The following SORBS2 variants were observed in gnomAD, a reference collection of about 807,000 sequenced individuals.
SORBS2 encodes sorbin and SH3 domain-containing protein 2.
SORBS2 carries 46 observed loss-of-function variants against 97.7 expected under a neutral mutation model. The ratio of observed to expected loss-of-function variants is 0.47; its 90% CI spans 0.37 to 0.60. SORBS2 has a LOEUF of 0.60. Ranked by LOEUF, SORBS2 falls within the 20% of genes least tolerant of loss-of-function variation. The pLI is 0.00. For synonymous variants in SORBS2, 476 were observed against 473.4 expected, an observed-to-expected ratio of 1.01 and a Z score of -0.07; for missense variants, 1,316 against 1,282.3, an observed-to-expected ratio of 1.03 and a Z score of -0.40.
intron 2 of SORBS2, among the ~76,000 whole-genome samples, chr4:185,762,940 G>C (rs2098909217): frequency 6.6e-6 from 1 of 152,166 alleles, no homozygotes; most frequent in Non-Finnish European, 1.5e-5. Flanking sequence ...TGTAATCCCA[G>C]CACTTTGGGA....
intron 4 of SORBS2, among the ~76,000 whole-genome samples, chr4:185,643,142 C>T (rs995095721): frequency 1.3e-5 from 2 of 152,240 alleles, no homozygotes; most frequent in African/African-American, 4.8e-5. Flanking sequence ...GCCATGGGCA[C>T]ACAGCAGGGA....
At chr4:185,745,728 C>T (rs1227573976) in intron 2 of SORBS2, among the ~76,000 whole-genome samples, 1 of 152,152 alleles carries the variant, frequency 6.6e-6, no homozygotes, top group Non-Finnish European at 1.5e-5. Flanking sequence ...TTTTAGTTTT[C>T]TTCAACGGAT....
intron 4 of SORBS2, among the ~76,000 whole-genome samples, chr4:185,668,427 G>A (rs940934688): frequency 4.6e-5 from 7 of 152,224 alleles, no homozygotes; most frequent in African/African-American, 1.2e-4. Flanking sequence ...GCGTGTGTGT[G>A]TTTGTGAGTG....
chr4:185,642,874 C>A (rs1007619518), intron 4 of SORBS2, among the ~76,000 whole-genome samples: 5 of 152,192 alleles, frequency 3.3e-5, no homozygotes, highest in African/African-American at 1.2e-4. Context: ...TGTTTTGAGA[C>A]CCACTGGGCC....
exon 6 of SORBS2, chr4:185,626,868 T>G: frequency 1.2e-6 from 2 of 1,614,240 alleles, no homozygotes; most frequent in Non-Finnish European, 1.7e-6. Context: ...GAAGAGCTAG[T>G]GAAAGACTTT....
intron 2 of SORBS2, among the ~76,000 whole-genome samples, chr4:185,745,468 AAGG>A (rs2098754285): frequency 6.6e-6 from 1 of 152,182 alleles, no homozygotes; most frequent in African/African-American, 2.4e-5. Flanking sequence ...TCAGGTAGAC[AAGG>A]AGGACTGAAG....
At chr4:185,853,082 T>C (rs1054643357) in intron 1 of SORBS2, among the ~76,000 whole-genome samples, 5 of 152,124 alleles carry the variant, frequency 3.3e-5, no homozygotes, top group African/African-American at 1.2e-4. Context: ...GCATGTAAAA[T>C]ACCTTCTCCC....
chr4:185,889,107 A>G (rs547307205), intron 1 of SORBS2, among the ~76,000 whole-genome samples: 3 of 152,084 alleles, frequency 2.0e-5, no homozygotes, highest in South Asian at 4.2e-4. Flanking sequence ...TTTTACTTTT[A>G]TCTTAGAGGA....
chr4:185,638,826 C>G, intron 4 of SORBS2, 51 bp downstream of exon 14: 2 of 1,407,956 alleles, frequency 1.4e-6, no homozygotes, highest in Non-Finnish European at 1.8e-6. Context: ...GCAAGGGCTG[C>G]ACCTGCACCT....
At chr4:185,917,027 G>C (rs1328095467) in intron 1 of SORBS2, among the ~76,000 whole-genome samples, 1 of 152,148 alleles carries the variant, frequency 6.6e-6, no homozygotes, top group Non-Finnish European at 1.5e-5. Flanking sequence ...AGGTTAAGTG[G>C]ATCACCAATG....
chr4:185,763,934 T>G (rs1021493626), intron 2 of SORBS2, among the ~76,000 whole-genome samples: 1 of 152,188 alleles, frequency 6.6e-6, no homozygotes, highest in Non-Finnish European at 1.5e-5. Context: ...TCCTCAAAAT[T>G]AAGCACTGGT....
At chr4:185,886,579 G>GAAAAAAAAAAAAAAAGAAAAGA (rs375147493) in intron 1 of SORBS2, among the ~76,000 whole-genome samples, 2 of 127,908 alleles carry the variant, frequency 1.6e-5, no homozygotes, top group Non-Finnish European at 1.7e-5. Context: ...AAAAAGAAAA[G>GAAAAAAAAAAAAAAAGAAAAGA]AAAAAAAAAA....
At chr4:185,648,109 C>T (rs546331262) in intron 3 of SORBS2, among the ~76,000 whole-genome samples, 30 of 151,620 alleles carry the variant, frequency 2.0e-4, no homozygotes, top group Non-Finnish European at 3.7e-4. Flanking sequence ...ATCAATTACT[C>T]TATTATAAAA....
intron 4 of SORBS2, among the ~76,000 whole-genome samples, chr4:185,635,738 C>A (rs1275836658): frequency 2.0e-5 from 3 of 152,180 alleles, no homozygotes. Context: ...ATTAAAGGAG[C>A]AAGTGGATAG....
intron 2 of SORBS2, among the ~76,000 whole-genome samples, chr4:185,748,147 T>C (rs971137214): frequency 2.6e-5 from 4 of 152,188 alleles, no homozygotes; most frequent in African/African-American, 7.2e-5. Flanking sequence ...AGCCCTGCTC[T>C]TGGTGACTTG....
chr4:185,671,268 A>G (rs2097708453), intron 4 of SORBS2, among the ~76,000 whole-genome samples: 1 of 152,180 alleles, frequency 6.6e-6, no homozygotes, highest in Admixed American at 6.5e-5. Flanking sequence ...AGGGGAGTAA[A>G]TATTTCTACT....
chr4:185,690,139 T>C (rs774739334), intron 2 of SORBS2, among the ~76,000 whole-genome samples: 1 of 152,240 alleles, frequency 6.6e-6, no homozygotes, highest in Admixed American at 6.5e-5. Context: ...GCTGATTTTG[T>C]ATAAAACTTT....
rs1008070015 is a variant in SORBS2 at position 185,652,149 on chromosome 4, T to C, written c.91+513A>G. On this transcript the variant is annotated intron_variant, in intron 2 of 14. Transcript: ENST00000418609. ...CACCACAGGCCTCTGCAAACTGCCCTTTTTTATCTGTAACATATTCGTCTT... is the reference window on the plus strand; with the variant it reads ...CACCACAGGCCTCTGCAAACTGCCCCTTTTTATCTGTAACATATTCGTCTT... Among the ~76,000 whole-genome samples the C allele has an allele frequency of 2.4e-4, 37 of 152,192 alleles. No homozygotes were observed. In the Middle Eastern group the frequency reaches 0.01, roughly 42 times the overall value.
At chr4:185,797,930 A>T (rs1416972181) in intron 1 of SORBS2, among the ~76,000 whole-genome samples, 1 of 152,218 alleles carries the variant, frequency 6.6e-6, no homozygotes, top group Non-Finnish European at 1.5e-5. Context: ...TAGAAGGGTC[A>T]GTCACACTCT....
Sources: gnomAD v4.1 joint callset for allele counts (sites outside exome capture counted in the v4.1 genomes callset) on GRCh38, gnomAD v4.1.1 for gene constraint, MANE v1.5 for transcripts, NCBI Gene and HGNC (gene_info 2026-07-23, HGNC 2026-07-21) for gene names.